The following RBM33 variants were observed in gnomAD, a reference collection of about 807,000 sequenced individuals.
The protein encoded by RBM33 is RNA binding motif protein 33.
In RBM33, 28 loss-of-function variants were observed where a neutral mutation model predicts 132.6. The observed-to-expected ratio is 0.21, with a 90% CI of 0.16 to 0.29. The LOEUF (loss-of-function observed/expected upper bound fraction) is 0.29. Among genes scored for constraint, RBM33 ranks in the 10% least tolerant of loss-of-function variants. The pLI is 1.00. For synonymous variants in RBM33, 634 were observed against 593.0 expected (o/e 1.07, Z -1.01); for missense variants, 1,291 against 1,518.5 (o/e 0.85, Z 2.49).
chr7:155,662,006 C>T (rs564894159), intron 1 of RBM33, among the ~76,000 whole-genome samples: 1 of 152,204 alleles, frequency 6.6e-6, no homozygotes, highest in African/African-American at 2.4e-5. Flanking sequence ...TGTTCTCCCA[C>T]CCCTGGGCTA....
intron 13 of RBM33, among the ~76,000 whole-genome samples, chr7:155,743,727 TTTCAGCTGC>T (rs569543702): frequency 1.9e-4 from 29 of 152,330 alleles, no homozygotes; most frequent in Non-Finnish European, 3.7e-4. Context: ...TTTTCAAGTA[TTTCAGCTGC>T]TGTTCTGAAC....
chr7:155,760,807 C>G (rs1435375782), intron 14 of RBM33, among the ~76,000 whole-genome samples: 2 of 152,190 alleles, frequency 1.3e-5, no homozygotes, highest in African/African-American at 4.8e-5. Context: ...GGTGGGATAC[C>G]TACTCACACC....
rs1801206162 is a variant in RBM33 at position 155,738,503 on chromosome 7, GTTAT to G, written c.1737+104_1737+107del. ...TTTTATTTGAGCCTACTAATTTGTG[GTTAT>G]TTAAAGAATAGAGTATTAGTCTCAA... On this transcript the variant is annotated intron_variant, in intron 11 of 17. Coordinates refer to ENST00000401878, the MANE Select transcript of RBM33 (RefSeq NM_053043.3). 6.0e-6 allele frequency: 7 copies of G among 1,170,544 alleles called. No homozygotes were observed. The East Asian group carries it at 1.5e-4, about 26-fold the overall frequency. The allele number at this position is 1,170,544 out of a possible 1,614,324, so 72.5% of individuals were successfully genotyped here.
At chr7:155,693,385 G>A (rs1314559699) in intron 5 of RBM33, among the ~76,000 whole-genome samples, 1 of 150,932 alleles carries the variant, frequency 6.6e-6, no homozygotes, top group Non-Finnish European at 1.5e-5. Flanking sequence ...CTTCCTAAGG[G>A]TTGTTTTCAG....
At chr7:155,733,078 CAAGG>C (rs1246388498) in intron 9 of RBM33, among the ~76,000 whole-genome samples, 1 of 152,004 alleles carries the variant, frequency 6.6e-6, no homozygotes, top group Non-Finnish European at 1.5e-5. Context: ...GGTTCTGTAC[CAAGG>C]GTTACAAGAG....
intron 1 of RBM33, among the ~76,000 whole-genome samples, chr7:155,650,295 T>C (rs1798320431): frequency 6.6e-6 from 1 of 152,240 alleles, no homozygotes; most frequent in African/African-American, 2.4e-5. Flanking sequence ...TTAGCATCAC[T>C]GCACCAGGAG....
intron 8 of RBM33, among the ~76,000 whole-genome samples, chr7:155,712,342 A>T (rs1177681458): frequency 1.3e-5 from 2 of 152,262 alleles, no homozygotes; most frequent in African/African-American, 4.8e-5. Context: ...AACTTCATGT[A>T]CCTGTGAACA....
At chr7:155,714,978 G>A (rs1256443786) in intron 8 of RBM33, among the ~76,000 whole-genome samples, 1 of 152,166 alleles carries the variant, frequency 6.6e-6, no homozygotes, top group Admixed American at 6.5e-5. Flanking sequence ...AGGCCACTGG[G>A]CATGGCAGAG....
intron 5 of RBM33, among the ~76,000 whole-genome samples, chr7:155,690,029 A>G (rs2116938693): frequency 6.6e-6 from 1 of 152,190 alleles, no homozygotes; most frequent in South Asian, 2.1e-4. Flanking sequence ...TATCCTTGTT[A>G]ACTTTCTGTC....
intron 9 of RBM33, among the ~76,000 whole-genome samples, chr7:155,723,045 C>T (rs146557068): frequency 5.9e-5 from 9 of 152,244 alleles, no homozygotes; most frequent in Non-Finnish European, 1.3e-4. Context: ...AAACGAGGTT[C>T]GTATTTGTGT....
At chr7:155,765,804 C>G (rs900641154) in intron 15 of RBM33, among the ~76,000 whole-genome samples, 3 of 152,194 alleles carry the variant, frequency 2.0e-5, no homozygotes, top group African/African-American at 7.2e-5. Flanking sequence ...AATAATAATG[C>G]TTAGGCCCGC....
At chr7:155,648,307 G>C (rs1798257900) in intron 1 of RBM33, among the ~76,000 whole-genome samples, 1 of 152,138 alleles carries the variant, frequency 6.6e-6, no homozygotes. Context: ...TACTAAACCA[G>C]TTGCTTTAAT....
At chr7:155,673,940 G>GTTGTTGTTTGTTGTTTTTT in intron 3 of RBM33, among the ~76,000 whole-genome samples, 1 of 54,214 alleles carries the variant, frequency 1.8e-5, no homozygotes, top group Non-Finnish European at 3.2e-5. Context: ...TTTAGGCTTA[G>GTTGTTGTTTGTTGTTTTTT]TTTTTTTTTT....
chr7:155,719,968 A>G (rs1263758755), intron 9 of RBM33, among the ~76,000 whole-genome samples: 1 of 152,226 alleles, frequency 6.6e-6, no homozygotes, highest in Non-Finnish European at 1.5e-5. Flanking sequence ...GTATAATTGT[A>G]TCTGATGCTA....
chr7:155,761,607 C>A (rs1347338550), intron 14 of RBM33, among the ~76,000 whole-genome samples: 1 of 152,080 alleles, frequency 6.6e-6, no homozygotes, highest in Non-Finnish European at 1.5e-5. Flanking sequence ...TTTTAAATTT[C>A]TTAGGGTCCA....
chr7:155,725,418 C>T (rs776597178), intron 9 of RBM33, among the ~76,000 whole-genome samples: 7 of 151,862 alleles, frequency 4.6e-5, no homozygotes, highest in Non-Finnish European at 7.4e-5. Flanking sequence ...CACAACTGGG[C>T]GCAGGAGGGA....
chr7:155,738,144 A>G lies in RBM33; in HGVS notation c.1478A>G (p.Asn493Ser). The change falls in exon 11 of 18, where the codon AAC becomes AGC. Residue 493 changes from asparagine to serine, a missense_variant. Transcript: ENST00000401878. ...PPPPPPPTLL[N>S]SSHPVPTQSP... ...CCACCACCGCCTCCTACCCTTCTTA[A>G]CAGTAGCCATCCTGTTCCTACTCAG... The G allele has an allele frequency of 6.2e-7, 1 of 1,613,896 alleles. No homozygotes were observed. Among genetic ancestry groups the G allele is most frequent in the Non-Finnish European group, 8.5e-7 (1 of 1,179,870 alleles).
rs1388442093 is a variant in RBM33 at position 155,738,616 on chromosome 7, G to T, written c.1737+213G>T. On this transcript the variant is annotated intron_variant, in intron 11 of 17. Coordinates refer to ENST00000401878, the MANE Select transcript of RBM33 (RefSeq NM_053043.3). ...AAAAATGGGAAAATGTCATTTTTTGGGAATTGAAAAATGCTACTTATTATA... is the reference window on the plus strand; with the variant it reads ...AAAAATGGGAAAATGTCATTTTTTGTGAATTGAAAAATGCTACTTATTATA... 4.9e-5 allele frequency: 28 copies of T among 568,758 alleles called. No individual in the cohort carries two copies. In the South Asian group the frequency reaches 5.6e-4, roughly 11 times the overall value. 35.2% of individuals were successfully genotyped at this position (568,758 alleles called of 1,614,324 possible). A position where few individuals can be genotyped will look rare whatever the true frequency, so the allele number is the denominator to read the frequency against.
At chr7:155,757,191 G>T (rs1295532123) in intron 14 of RBM33, among the ~76,000 whole-genome samples, 1 of 152,140 alleles carries the variant, frequency 6.6e-6, no homozygotes, top group Non-Finnish European at 1.5e-5. Context: ...TTGACCCATG[G>T]GTAGAAGTTG....
Sources: allele counts gnomAD v4.1 joint callset (sites outside exome capture counted in the v4.1 genomes callset), GRCh38; gene constraint gnomAD v4.1.1; transcripts MANE v1.5; gene names NCBI Gene and HGNC (gene_info 2026-07-23, HGNC 2026-07-21).